Variants in STK3 observed in about 807,000 individuals in gnomAD.
STK3 encodes the protein serine/threonine kinase 3.
STK3 carries 41 observed loss-of-function variants against 58.0 expected under a neutral mutation model. That is an observed-to-expected ratio of 0.71 (90% CI 0.55 to 0.92). The LOEUF (loss-of-function observed/expected upper bound fraction) is 0.92, where lower values mean the gene tolerates loss of function less well. STK3 is among the 40% of genes least tolerant of loss of function. STK3 has a pLI of 0.00. For missense variants in STK3, 479 were observed against 602.7 expected (o/e 0.79, Z 2.15); for synonymous variants, 170 against 191.0 (o/e 0.89, Z 0.91).
At chr8:98,630,537 G>A (rs1036045371) in intron 6 of STK3, among the ~76,000 whole-genome samples, 8 of 152,224 alleles carry the variant, frequency 5.3e-5, no homozygotes, top group Middle Eastern at 6.8e-3. Flanking sequence ...CAGCTACTTG[G>A]GAGGCCAAGG....
intron 1 of STK3, among the ~76,000 whole-genome samples, chr8:98,795,095 A>T (rs1833049287): frequency 3.0e-5 from 2 of 65,884 alleles, no homozygotes; most frequent in African/African-American, 1.3e-4. Flanking sequence ...AAAAAAAAAA[A>T]AAAAAAAAAT....
At chr8:98,505,657 T>G (rs952431211) in intron 10 of STK3, among the ~76,000 whole-genome samples, 1 of 152,230 alleles carries the variant, frequency 6.6e-6, no homozygotes, top group Admixed American at 6.5e-5. Context: ...GTCCCTCAGC[T>G]GCAGGTCTGT....
intron 7 of STK3, among the ~76,000 whole-genome samples, chr8:98,586,990 T>A (rs1461771808): frequency 6.6e-6 from 1 of 152,038 alleles, no homozygotes; most frequent in African/African-American, 2.4e-5. Context: ...TTCTCTCTTT[T>A]TTTCTTTATT....
chr8:98,830,826 C>T (rs1835501312), intron 3 of STK3, among the ~76,000 whole-genome samples: 1 of 151,856 alleles, frequency 6.6e-6, no homozygotes, highest in Non-Finnish European at 1.5e-5. Flanking sequence ...AAAAATTAGC[C>T]AGGCGTGGTG....
chr8:98,352,525 G>T, the STK3 span, among the ~76,000 whole-genome samples: 1 of 152,150 alleles, frequency 6.6e-6, no homozygotes, highest in Non-Finnish European at 1.5e-5. Context: ...AAATGCCTAT[G>T]GATGACTTGC....
intron 10 of STK3, among the ~76,000 whole-genome samples, chr8:98,462,246 T>C (rs1232251973): frequency 2.0e-5 from 3 of 152,176 alleles, no homozygotes; most frequent in African/African-American, 7.2e-5. Context: ...AGTGCAGTGG[T>C]GTGATCTCGG....
intron 6 of STK3, among the ~76,000 whole-genome samples, chr8:98,693,577 C>T (rs189791431): frequency 1.6e-4 from 24 of 152,132 alleles, no homozygotes; most frequent in Admixed American, 4.6e-4. Context: ...ACAGTCCTGC[C>T]AACACTTTGA....
At chr8:98,613,993 A>G (rs150690193) in intron 6 of STK3, among the ~76,000 whole-genome samples, 3 of 152,334 alleles carry the variant, frequency 2.0e-5, no homozygotes, top group Non-Finnish European at 4.4e-5. Context: ...CCAAGAAAAT[A>G]TAACAAGCAC....
intron 9 of STK3, among the ~76,000 whole-genome samples, chr8:98,529,148 A>G (rs1465446208): frequency 6.6e-6 from 1 of 152,226 alleles, no homozygotes; most frequent in Non-Finnish European, 1.5e-5. Context: ...GACGAGCTTT[A>G]AGGTCATTTT....
chr8:98,750,907 G>T (rs1372997672), intron 3 of STK3, among the ~76,000 whole-genome samples: 1 of 152,116 alleles, frequency 6.6e-6, no homozygotes, highest in Non-Finnish European at 1.5e-5. Flanking sequence ...ACTCACCACA[G>T]TCAAGTAGGC....
At chr8:98,699,684 A>G (rs1239111741) in intron 6 of STK3, among the ~76,000 whole-genome samples, 3 of 152,096 alleles carry the variant, frequency 2.0e-5, no homozygotes, top group Non-Finnish European at 2.9e-5. Context: ...GCGGATTTTC[A>G]TGAACCGCGA....
chr8:98,790,028 C>CAAAA (rs530630466), intron 1 of STK3, among the ~76,000 whole-genome samples: 3 of 88,702 alleles, frequency 3.4e-5, no homozygotes, highest in Non-Finnish European at 6.5e-5. Flanking sequence ...GACTTCATCT[C>CAAAA]AAAAAAAAAA....
At chr8:98,422,533 A>G (rs1402082251) in intron 3 of STK3, among the ~76,000 whole-genome samples, 1 of 152,180 alleles carries the variant, frequency 6.6e-6, no homozygotes, top group African/African-American at 2.4e-5. Context: ...ATCCTCTTCC[A>G]AGGAGGAGGA....
At chr8:98,350,392 C>A in the STK3 span, among the ~76,000 whole-genome samples, 1 of 152,174 alleles carries the variant, frequency 6.6e-6, no homozygotes, top group East Asian at 1.9e-4. Flanking sequence ...CTGGGAAGTT[C>A]CAAATTGTCT....
chr8:98,730,130 T>C (rs1828071544), intron 4 of STK3, among the ~76,000 whole-genome samples: 1 of 152,220 alleles, frequency 6.6e-6, no homozygotes, highest in African/African-American at 2.4e-5. Flanking sequence ...AGAACCATTG[T>C]TCTAAAACTG....
downstream of STK3, among the ~76,000 whole-genome samples, chr8:98,397,314 A>G (rs1250265351): frequency 1.3e-5 from 2 of 152,162 alleles, no homozygotes; most frequent in African/African-American, 4.8e-5. Flanking sequence ...GGATTGTTTG[A>G]ATCCAGGAGT....
At position 98,596,177 on chromosome 8, in the gene STK3, A is replaced by T. The variant is rs1815812946; in HGVS notation, c.685-8T>A. ...GGGAATCATAAAAATAGCCTAGTAC[A>T]AATGAAATATCCAAAAGACAGTAAG... On this transcript the variant is annotated splice_polypyrimidine_tract_variant and splice_region_variant and intron_variant, in intron 6 of 10. Transcript: ENST00000419617. The T allele has an allele frequency of 1.2e-6, 2 of 1,609,076 alleles. No individual in the cohort carries two copies. The highest frequency in any genetic ancestry group is 1.7e-6 in the Non-Finnish European group (2 of 1,177,414).
chr8:98,440,475 A>G (rs1448961545), intron 1 of STK3, among the ~76,000 whole-genome samples: 1 of 152,192 alleles, frequency 6.6e-6, no homozygotes, highest in Non-Finnish European at 1.5e-5. Context: ...CTTGCAAAAC[A>G]AAAACTCTGT....
intron 1 of STK3, among the ~76,000 whole-genome samples, chr8:98,385,518 C>T (rs1040631118): frequency 3.3e-5 from 5 of 152,206 alleles, no homozygotes; most frequent in Non-Finnish European, 7.4e-5. Context: ...AAGCCACACA[C>T]AGCTGCAACC....
Sources: allele counts gnomAD v4.1 joint callset (sites outside exome capture counted in the v4.1 genomes callset), GRCh38; gene constraint gnomAD v4.1.1; transcripts MANE v1.5; gene names NCBI Gene and HGNC (gene_info 2026-07-23, HGNC 2026-07-21).